LRRC4C: variants seen among roughly 807,000 people sequenced by gnomAD.
The protein encoded by LRRC4C is leucine-rich repeat-containing protein 4C.
In LRRC4C, 5 loss-of-function variants were observed where a neutral mutation model predicts 33.6. The ratio of observed to expected loss-of-function variants is 0.15; its 90% CI spans 0.08 to 0.31. LRRC4C has a LOEUF of 0.31. Among genes scored for constraint, LRRC4C ranks in the 10% least tolerant of loss-of-function variants. LRRC4C has a pLI of 1.00. For synonymous variants in LRRC4C, 329 were observed against 302.0 expected, an observed-to-expected ratio of 1.09 and a Z score of -0.93; for missense variants, 560 against 796.7, an observed-to-expected ratio of 0.70 and a Z score of 3.58.
At chr11:40,931,501 A>T (rs1409934501) in intron 2 of LRRC4C, among the ~76,000 whole-genome samples, 5 of 152,034 alleles carry the variant, frequency 3.3e-5, no homozygotes, top group Admixed American at 2.6e-4. Context: ...ATGTTAGCTT[A>T]TAGGGGGTTA....
At chr11:40,814,316 G>C (rs974843967) in intron 2 of LRRC4C, among the ~76,000 whole-genome samples, 12 of 152,160 alleles carry the variant, frequency 7.9e-5, no homozygotes, top group African/African-American at 2.7e-4. Flanking sequence ...CTTGAGGCTT[G>C]CACCCTCTGA....
At chr11:41,430,396 C>G (rs1384567332) in intron 1 of LRRC4C, among the ~76,000 whole-genome samples, 1 of 152,052 alleles carries the variant, frequency 6.6e-6, no homozygotes, top group African/African-American at 2.4e-5. Flanking sequence ...AAGTAATGGA[C>G]TTTTCTAAGT....
chr11:40,743,713 T>C (rs1324551853), intron 2 of LRRC4C, among the ~76,000 whole-genome samples: 11 of 152,118 alleles, frequency 7.2e-5, no homozygotes, highest in Admixed American at 7.2e-4. Flanking sequence ...CTGTCACAAT[T>C]CTTTCTTTCC....
At chr11:41,325,456 A>T (rs1951079673) in intron 1 of LRRC4C, among the ~76,000 whole-genome samples, 1 of 151,984 alleles carries the variant, frequency 6.6e-6, no homozygotes, top group African/African-American at 2.4e-5. Flanking sequence ...AACTACTGTT[A>T]TGTTTTAGGC....
intron 3 of LRRC4C, among the ~76,000 whole-genome samples, chr11:40,534,439 T>C (rs192658243): frequency 1.3e-5 from 2 of 152,252 alleles, no homozygotes; most frequent in Admixed American, 1.3e-4. Flanking sequence ...GTATAGAGGT[T>C]AAGAATTCTG....
intron 2 of LRRC4C, among the ~76,000 whole-genome samples, chr11:40,681,530 G>C (rs914201750): frequency 1.3e-5 from 2 of 152,198 alleles, no homozygotes; most frequent in African/African-American, 4.8e-5. Context: ...CTTTATTTAT[G>C]TAATATTTTA....
intron 1 of LRRC4C, among the ~76,000 whole-genome samples, chr11:41,178,433 A>G (rs1010860422): frequency 6.6e-6 from 1 of 152,146 alleles, no homozygotes; most frequent in African/African-American, 2.4e-5. Context: ...AGCTCAATGC[A>G]GCCTTGAACT....
chr11:40,722,914 A>T, intron 2 of LRRC4C, among the ~76,000 whole-genome samples: 1 of 152,200 alleles, frequency 6.6e-6, no homozygotes, highest in East Asian at 1.9e-4. Context: ...ACCCAAACTG[A>T]ACTTCTGGAA....
intron 5 of LRRC4C, among the ~76,000 whole-genome samples, chr11:40,205,376 G>A (rs1253741675): frequency 6.6e-6 from 1 of 152,094 alleles, no homozygotes; most frequent in Non-Finnish European, 1.5e-5. Flanking sequence ...TGAGGTTTGA[G>A]CAGCCCAGGG....
intron 2 of LRRC4C, among the ~76,000 whole-genome samples, chr11:40,681,483 C>T (rs1314494941): frequency 6.6e-6 from 1 of 152,112 alleles, no homozygotes; most frequent in Non-Finnish European, 1.5e-5. Flanking sequence ...AAAGTCTTTG[C>T]ACTGGCAATG....
At chr11:40,716,675 A>G (rs559294471) in intron 2 of LRRC4C, among the ~76,000 whole-genome samples, 1 of 152,202 alleles carries the variant, frequency 6.6e-6, no homozygotes, top group South Asian at 2.1e-4. Context: ...AAATCTCAAT[A>G]CCTCATTTTA....
intron 1 of LRRC4C, among the ~76,000 whole-genome samples, chr11:41,445,138 G>A (rs756668048): frequency 2.6e-5 from 4 of 152,000 alleles, no homozygotes; most frequent in Admixed American, 1.3e-4. Flanking sequence ...CCTTAGCTCC[G>A]GCAGTAAACT....
chr11:40,683,955 T>C (rs912235290), intron 2 of LRRC4C, among the ~76,000 whole-genome samples: 8 of 152,172 alleles, frequency 5.3e-5, no homozygotes, highest in African/African-American at 7.2e-5. Flanking sequence ...TTAGCATAAA[T>C]CTATGCCAAC....
At chr11:41,038,444 T>G (rs1334464830) in intron 1 of LRRC4C, among the ~76,000 whole-genome samples, 1 of 152,194 alleles carries the variant, frequency 6.6e-6, no homozygotes, top group Non-Finnish European at 1.5e-5. Flanking sequence ...GGTTATAAAT[T>G]CCTTGGGTGA....
chr11:41,228,137 T>C (rs1435949628), intron 1 of LRRC4C, among the ~76,000 whole-genome samples: 12 of 152,144 alleles, frequency 7.9e-5, no homozygotes, highest in African/African-American at 2.9e-4. Context: ...CCTATCTTTC[T>C]ATCTATGTTA....
intron 2 of LRRC4C, among the ~76,000 whole-genome samples, chr11:40,836,441 CAT>C (rs1342653455): frequency 6.6e-6 from 1 of 152,018 alleles, no homozygotes; most frequent in East Asian, 1.9e-4. Context: ...AATAAAAATA[CAT>C]ATAGAAAGAA....
chr11:41,084,656 C>G (rs950871168), intron 1 of LRRC4C, among the ~76,000 whole-genome samples: 1 of 152,100 alleles, frequency 6.6e-6, no homozygotes, highest in African/African-American at 2.4e-5. Context: ...CGAGACCAGC[C>G]TGGCCAACAT....
chr11:40,914,903 T>C (rs955612479), intron 2 of LRRC4C, among the ~76,000 whole-genome samples: 6 of 151,694 alleles, frequency 4.0e-5, no homozygotes, highest in African/African-American at 7.2e-5. Context: ...TATACACCAA[T>C]AACAGACAGA....
At chr11:40,339,174 A>G (rs1447845675) in intron 3 of LRRC4C, among the ~76,000 whole-genome samples, 3 of 152,210 alleles carry the variant, frequency 2.0e-5, no homozygotes. Flanking sequence ...CTCAGGATTA[A>G]TAGATACCAC....
Sources: allele counts gnomAD v4.1 joint callset (sites outside exome capture counted in the v4.1 genomes callset), GRCh38; gene constraint gnomAD v4.1.1; transcripts MANE v1.5; gene names NCBI Gene and HGNC (gene_info 2026-07-23, HGNC 2026-07-21).